The following SNX29 variants were observed in gnomAD, a reference collection of about 807,000 sequenced individuals.
SNX29 encodes the protein sorting nexin 29.
SNX29 carries 78 observed loss-of-function variants against 102.1 expected under a neutral mutation model. The observed-to-expected ratio is 0.76, with a 90% CI of 0.64 to 0.92. The LOEUF is 0.92. Among genes scored for constraint, SNX29 ranks in the 40% least tolerant of loss-of-function variants. The pLI is 0.00. For synonymous variants in SNX29, 580 were observed against 414.5 expected, an observed-to-expected ratio of 1.40 and a Z score of -4.85; for missense variants, 1,280 against 1,061.7, an observed-to-expected ratio of 1.21 and a Z score of -2.86.
chr16:12,565,646 C>CCT (rs2078970455), intron 20 of SNX29, among the ~76,000 whole-genome samples: 1 of 152,224 alleles, frequency 6.6e-6, no homozygotes, highest in Admixed American at 6.5e-5. Context: ...ACACATATAG[C>CCT]CTCGTGACAG....
At chr16:12,563,319 A>T (rs964385215) in intron 20 of SNX29, among the ~76,000 whole-genome samples, 10 of 152,224 alleles carry the variant, frequency 6.6e-5, no homozygotes, top group African/African-American at 1.4e-4. Flanking sequence ...GTGACTGGAG[A>T]GAGTCACCGT....
rs559906210 is a variant in SNX29 at position 12,301,694 on chromosome 16, G to C, written c.1782+23658G>C. ...GGAAGGCAGGGATCAAGCTTACCTTGCTTCCCTTTGAATCCTGGCTCGGAG... is the reference window on the plus strand; with the variant it reads ...GGAAGGCAGGGATCAAGCTTACCTTCCTTCCCTTTGAATCCTGGCTCGGAG... On this transcript the variant is annotated intron_variant, in intron 15 of 20. Coordinates refer to ENST00000566228, the MANE Select transcript of SNX29 (RefSeq NM_032167.5). Among the ~76,000 whole-genome samples, 3 of 152,312 alleles carry C rather than the reference G, an allele frequency of 2.0e-5. No homozygotes were observed. In the East Asian group the frequency reaches 5.8e-4, roughly 29 times the overall value.
chr16:12,297,819 C>T (rs545170193), intron 15 of SNX29, among the ~76,000 whole-genome samples: 10 of 152,280 alleles, frequency 6.6e-5, no homozygotes, highest in South Asian at 4.1e-4. Flanking sequence ...GAACAACTGT[C>T]GAAACCTTCC....
chr16:12,537,537 C>T (rs565979825), intron 20 of SNX29, among the ~76,000 whole-genome samples: 1 of 152,264 alleles, frequency 6.6e-6, no homozygotes, highest in East Asian at 1.9e-4. Context: ...GAAATATTAC[C>T]TACTATGGAG....
At chr16:12,391,432 A>G (rs1384845889) in intron 16 of SNX29, among the ~76,000 whole-genome samples, 3 of 152,216 alleles carry the variant, frequency 2.0e-5, no homozygotes, top group African/African-American at 7.2e-5. Context: ...CTGTACAGAG[A>G]GTAGAAGGAT....
chr16:12,551,259 G>T (rs1022998973), intron 20 of SNX29, among the ~76,000 whole-genome samples: 4 of 152,098 alleles, frequency 2.6e-5, no homozygotes, highest in African/African-American at 4.8e-5. Context: ...TCACTGCTCC[G>T]GAGGTTCAGA....
intron 20 of SNX29, among the ~76,000 whole-genome samples, chr16:12,553,414 A>G (rs146789490): frequency 1.1e-4 from 16 of 152,232 alleles, no homozygotes; most frequent in African/African-American, 3.9e-4. Flanking sequence ...GTGGTTGAAA[A>G]CCAGGTCTGA....
At chr16:12,330,688 C>T (rs1010950606) in intron 15 of SNX29, among the ~76,000 whole-genome samples, 50 of 152,200 alleles carry the variant, frequency 3.3e-4, no homozygotes, top group African/African-American at 1.1e-3. Flanking sequence ...AACCAGCACG[C>T]GAGTCCTGGC....
At chr16:12,129,786 A>C in intron 13 of SNX29, 28 bp downstream of exon 13, 1 of 1,580,064 alleles carries the variant, frequency 6.3e-7, no homozygotes, top group African/African-American at 1.3e-5. Context: ...ATGGAGAGGT[A>C]AGCACGTGGG....
intron 14 of SNX29, among the ~76,000 whole-genome samples, chr16:12,237,894 G>A (rs1005232147): frequency 6.6e-6 from 1 of 152,174 alleles, no homozygotes; most frequent in African/African-American, 2.4e-5. Context: ...GGCAACAAGA[G>A]TGAAAACTCC....
intron 15 of SNX29, among the ~76,000 whole-genome samples, chr16:12,299,711 C>G (rs948894910): frequency 1.3e-5 from 2 of 151,930 alleles, no homozygotes; most frequent in Non-Finnish European, 2.9e-5. Context: ...CCCTTTCCCC[C>G]ACCCCATCCC....
chr16:12,230,429 G>A (rs2077734557), intron 14 of SNX29, among the ~76,000 whole-genome samples: 1 of 152,210 alleles, frequency 6.6e-6, no homozygotes, highest in Non-Finnish European at 1.5e-5. Flanking sequence ...GGTAAACACA[G>A]TAGCAGGATT....
chr16:12,051,109 C>A (rs368258361), intron 7 of SNX29, among the ~76,000 whole-genome samples: 1 of 152,114 alleles, frequency 6.6e-6, no homozygotes, highest in African/African-American at 2.4e-5. Flanking sequence ...GGGAGTATTG[C>A]TTGAGGCCAG....
At chr16:12,282,115 G>C (rs899888400) in intron 15 of SNX29, among the ~76,000 whole-genome samples, 1 of 145,204 alleles carries the variant, frequency 6.9e-6, no homozygotes, top group Non-Finnish European at 1.5e-5. Context: ...AAAATGCAGA[G>C]CTGGATTTGA....
At chr16:12,287,256 G>T (rs191935877) in intron 15 of SNX29, among the ~76,000 whole-genome samples, 161 of 152,286 alleles carry the variant, frequency 1.1e-3, no homozygotes, top group Non-Finnish European at 4.4e-5. Context: ...CAGCCTGCAG[G>T]CTCCACCAGC....
At chr16:12,291,418 G>A (rs148907045) in intron 15 of SNX29, among the ~76,000 whole-genome samples, 3 of 152,284 alleles carry the variant, frequency 2.0e-5, no homozygotes, top group Non-Finnish European at 2.9e-5. Flanking sequence ...GCACGGGAAA[G>A]ACCCGCCCCC....
intron 14 of SNX29, among the ~76,000 whole-genome samples, chr16:12,209,536 C>T (rs575670898): frequency 6.6e-6 from 1 of 152,318 alleles, no homozygotes; most frequent in Admixed American, 6.5e-5. Context: ...CTCTCACTCT[C>T]CAGCTCGAGA....
chr16:12,451,933 T>G (rs1243818387), intron 18 of SNX29, among the ~76,000 whole-genome samples: 1 of 152,212 alleles, frequency 6.6e-6, no homozygotes, highest in African/African-American at 2.4e-5. Flanking sequence ...TCTCTCTTTC[T>G]TAAAATAAGG....
intron 3 of SNX29, among the ~76,000 whole-genome samples, chr16:12,016,206 T>C (rs1227445124): frequency 6.6e-6 from 1 of 152,220 alleles, no homozygotes; most frequent in Admixed American, 6.5e-5. Context: ...CATTGCATGT[T>C]GCAGATGTAC....
Sources: allele counts gnomAD v4.1 joint callset (sites outside exome capture counted in the v4.1 genomes callset), GRCh38; gene constraint gnomAD v4.1.1; transcripts MANE v1.5; gene names NCBI Gene and HGNC (gene_info 2026-07-23, HGNC 2026-07-21).